KIF14: variants seen among roughly 807,000 people sequenced by gnomAD.
The protein encoded by KIF14 is kinesin family member 14.
In KIF14, 98 loss-of-function variants were observed where a neutral mutation model predicts 176.2. The observed-to-expected ratio is 0.56, with a 90% CI of 0.47 to 0.66. The LOEUF (loss-of-function observed/expected upper bound fraction) is 0.66, where lower values mean the gene tolerates loss of function less well. KIF14 is among the 30% of genes least tolerant of loss of function. The pLI is 0.00. For synonymous variants in KIF14, 566 were observed against 632.2 expected (o/e 0.90, Z 1.57); for missense variants, 1,751 against 1,920.4 (o/e 0.91, Z 1.65).
At chr1:200,572,170 T>A (rs951589324) in intron 22 of KIF14, among the ~76,000 whole-genome samples, 3 of 152,256 alleles carry the variant, frequency 2.0e-5, no homozygotes, top group Non-Finnish European at 4.4e-5. Context: ...ATGATACTTT[T>A]AAATTATAGA....
intron 1 of KIF14, among the ~76,000 whole-genome samples, chr1:200,619,555 G>T (rs540931644): frequency 6.6e-6 from 1 of 152,278 alleles, no homozygotes; most frequent in African/African-American, 2.4e-5. Context: ...GTTTCACCAT[G>T]TTGGCCAGGA....
chr1:200,566,649 G>C (rs1248136469), intron 23 of KIF14, among the ~76,000 whole-genome samples: 1 of 151,172 alleles, frequency 6.6e-6, no homozygotes, highest in East Asian at 2.0e-4. Context: ...CTGGAATGCA[G>C]TGGTTACTCA....
chr1:200,587,271 C>T (rs1294251765), intron 18 of KIF14, among the ~76,000 whole-genome samples: 3 of 152,010 alleles, frequency 2.0e-5, no homozygotes, highest in South Asian at 2.1e-4. Context: ...TGCACTAAAT[C>T]CTAGACTTCA....
rs115661475 is a variant in KIF14, at chr1:200,553,721, A to G, written c.4614T>C (p.Ile1538=). 1,033 of 1,611,266 alleles carry G rather than the reference A, an allele frequency of 6.4e-4. 8 individuals are homozygous for G. The African/African-American group carries it at 0.011, about 18-fold the overall frequency. Residue 1538 remains isoleucine, a synonymous_variant, in exon 30 of 30, where the codon ATT becomes ATC. Transcript: ENST00000367350. ...INLLQTCVES[I]RNLASDFYSD... ...TGTAAAAATCACTGGCCAAGTTGCGAATACTTTCAACACAAGTCTGGAGAA... is the reference window on the plus strand; with the variant it reads ...TGTAAAAATCACTGGCCAAGTTGCGGATACTTTCAACACAAGTCTGGAGAA...
rs187716038 is a variant in KIF14 at position 200,593,036 on chromosome 1, T to C, written c.2652+631A>G. Among the ~76,000 whole-genome samples, 36 of 152,324 alleles carry C rather than the reference T, an allele frequency of 2.4e-4. No individual in the cohort carries two copies. The East Asian group carries it at 6.7e-3, about 29-fold the overall frequency. Reference sequence around the variant, plus strand: ...AGTGCAAGACTTTATGTTATCTCATTTACGATTCACAACAACTCAGTGAGA... The same window carrying C: ...AGTGCAAGACTTTATGTTATCTCATCTACGATTCACAACAACTCAGTGAGA... On this transcript the variant is annotated intron_variant, in intron 15 of 29. Transcript: ENST00000367350.
chr1:200,555,664 C>G (rs1656795629), intron 27 of KIF14, among the ~76,000 whole-genome samples: 1 of 152,016 alleles, frequency 6.6e-6, no homozygotes, highest in Non-Finnish European at 1.5e-5. Context: ...GACTTCTTTC[C>G]AAATAAGTTT....
chr1:200,605,080 A>G lies in KIF14; in HGVS notation c.1746+203T>C, dbSNP rs114010250. Among the ~76,000 whole-genome samples the G allele has an allele frequency of 9.6e-3, 1,455 of 152,286 alleles. 16 individuals are homozygous for G. Among genetic ancestry groups the G allele is most frequent in the Middle Eastern group, 0.02 (6 of 294 alleles). On this transcript the variant is annotated intron_variant, in intron 8 of 29. Coordinates refer to ENST00000367350, the MANE Select transcript of KIF14 (RefSeq NM_014875.3). ...TATATATTTATATGACTGTACTTTT[A>G]CCTTTTGATTTAAAGAAGACAATAA...
chr1:200,605,855 C>A lies in KIF14; in HGVS notation c.1638+9G>T, dbSNP rs1659854186. ...CTATCTAGTGAAAAGAAAACAAAAT[C>A]AATCTTACCTGGATATCAGCGTAAG... On this transcript the variant is annotated intron_variant, in intron 7 of 29. Coordinates refer to ENST00000367350, the MANE Select transcript of KIF14 (RefSeq NM_014875.3). 1 of 1,500,192 alleles carries A rather than the reference C, an allele frequency of 6.7e-7. No individual in the cohort carries two copies. The allele number at this position is 1,500,192 out of a possible 1,614,324, so 92.9% of individuals were successfully genotyped here.
intron 25 of KIF14, among the ~76,000 whole-genome samples, chr1:200,561,974 C>A (rs961094435): frequency 4.6e-5 from 7 of 152,210 alleles, no homozygotes; most frequent in African/African-American, 1.7e-4. Flanking sequence ...AGACTTCCCA[C>A]ATGCACTCAG....
In KIF14 at chr1:200,615,485, A is replaced by G. The variant is rs1660366024; in HGVS notation, c.1237T>C (p.Cys413Arg). 1.9e-6 allele frequency: 3 copies of G among 1,614,050 alleles called. No individual in the cohort carries two copies. Among genetic ancestry groups the G allele is most frequent in the Middle Eastern group, 1.6e-4 (1 of 6,082 alleles). Reference sequence around the variant, plus strand: ...GTCTGGCTAGCGTAGTGAGGATGACATTCATCAAAAGACCAGAATGAAACA... The same window carrying G: ...GTCTGGCTAGCGTAGTGAGGATGACGTTCATCAAAAGACCAGAATGAAACA... Reference protein sequence around the residue: ...YDVSFWSFDECHPHYASQTTV... With the variant: ...YDVSFWSFDERHPHYASQTTV... The change falls in exon 3 of 30, where the codon TGT becomes CGT. Residue 413 changes from cysteine to arginine, a missense_variant. Coordinates refer to ENST00000367350, the MANE Select transcript of KIF14 (RefSeq NM_014875.3).
chr1:200,575,515 T>C (rs1658045837), intron 22 of KIF14, 76 bp downstream of exon 22: 1 of 669,406 alleles, frequency 1.5e-6, no homozygotes. Context: ...ATATATGATA[T>C]ACAATTTACA....
At chr1:200,598,855 G>A (rs1005276213) in intron 13 of KIF14, among the ~76,000 whole-genome samples, 4 of 152,088 alleles carry the variant, frequency 2.6e-5, no homozygotes, top group South Asian at 2.1e-4. Context: ...CACCGTGCCC[G>A]GCCATAAAGG....
intron 16 of KIF14, 101 bp downstream of exon 16, chr1:200,591,979 C>T: frequency 2.1e-6 from 2 of 954,958 alleles, no homozygotes; most frequent in African/African-American, 1.7e-5. Flanking sequence ...CACTAGAAAC[C>T]AGCACCCAAA....
At position 200,565,228 on chromosome 1, in the gene KIF14, C is replaced by T; in HGVS notation, c.3912G>A (p.Gln1304=). ...DNLFSSDRAI[Q]SLTIQTACAF... is the part of the protein sequence containing the mutation. ...CACATGCAGTCTGAATAGTAAGTGACTGGATTGCTCGATCAGAAGAAAACA... is the reference window on the plus strand; with the variant it reads ...CACATGCAGTCTGAATAGTAAGTGATTGGATTGCTCGATCAGAAGAAAACA... The change falls in exon 25 of 30, where the codon CAG becomes CAA. Residue 1304 remains glutamine, a synonymous_variant. Coordinates refer to ENST00000367350, the MANE Select transcript of KIF14 (RefSeq NM_014875.3). 1 of 1,601,880 alleles carries T rather than the reference C, an allele frequency of 6.2e-7. No homozygotes were observed. Among genetic ancestry groups the T allele is most frequent in the Non-Finnish European group, 8.5e-7 (1 of 1,177,056 alleles).
intron 25 of KIF14, among the ~76,000 whole-genome samples, chr1:200,563,693 C>T (rs1034458580): frequency 1.3e-5 from 2 of 152,092 alleles, no homozygotes; most frequent in Non-Finnish European, 2.9e-5. Context: ...CCACTGTACT[C>T]GGCCATTAAT....
At position 200,552,360 on chromosome 1, in the gene KIF14, A is replaced by G. The variant is rs886639628; in HGVS notation, c.*1028T>C. 2 of 152,068 alleles carry G rather than the reference A, an allele frequency of 1.3e-5. No individual in the cohort carries two copies. Among genetic ancestry groups the G allele is most frequent in the African/African-American group, 2.4e-5 (1 of 41,418 alleles). The allele number at this position is 152,068 out of a possible 1,614,324, so 9.4% of individuals were successfully genotyped here. A position where few individuals can be genotyped will look rare whatever the true frequency, so the allele number is the denominator to read the frequency against. ...TAAAGGTTTTTTTTTAAAGCTGTGG[A>G]AAATAAGGGTCTTTAATCTTCATCA... On this transcript the variant is annotated 3_prime_UTR_variant, in exon 30 of 30. Coordinates refer to ENST00000367350, the MANE Select transcript of KIF14 (RefSeq NM_014875.3).
intron 29 of KIF14, 90 bp from the exon 30 acceptor site, chr1:200,553,857 G>C: frequency 7.8e-7 from 1 of 1,288,448 alleles, no homozygotes; most frequent in Non-Finnish European, 1.1e-6. Flanking sequence ...TATCTTTTAA[G>C]TCAAAGTGAC....
chr1:200,569,330 T>C (rs1036466606), intron 23 of KIF14, among the ~76,000 whole-genome samples: 21 of 152,154 alleles, frequency 1.4e-4, no homozygotes, highest in Non-Finnish European at 1.3e-4. Flanking sequence ...ATAATAAATA[T>C]TGGTAAAAAA....
intron 25 of KIF14, among the ~76,000 whole-genome samples, chr1:200,562,236 C>T (rs955192862): frequency 6.6e-6 from 1 of 152,226 alleles, no homozygotes; most frequent in African/African-American, 2.4e-5. Context: ...CCTGGTCTCT[C>T]CATCCTTGAT....
Sources: allele counts gnomAD v4.1 joint callset (sites outside exome capture counted in the v4.1 genomes callset), GRCh38; gene constraint gnomAD v4.1.1; transcripts MANE v1.5; gene names NCBI Gene and HGNC (gene_info 2026-07-23, HGNC 2026-07-21).